Variants in DNMBP observed in about 807,000 individuals in gnomAD.
DNMBP encodes the protein dynamin-binding protein.
In DNMBP, 87 loss-of-function variants were observed where a neutral mutation model predicts 150.0. The observed-to-expected ratio is 0.58, with a 90% CI of 0.49 to 0.69. DNMBP has a LOEUF of 0.69. Ranked by LOEUF, DNMBP falls within the 30% of genes least tolerant of loss-of-function variation. The pLI, the probability that DNMBP is intolerant of heterozygous loss-of-function variation, is 0.00. For missense variants in DNMBP, 1,774 were observed against 1,949.0 expected (o/e 0.91, Z 1.69); for synonymous variants, 711 against 750.4 (o/e 0.95, Z 0.86).
Position 99,955,654 on chromosome 10 carries a change from G to A in DNMBP, c.1820C>T (p.Ala607Val). Residue 607 changes from alanine (A) to valine (V), a missense_variant, in exon 4 of 17, where the codon GCC becomes GTC. Physicochemically the swap from Ala to Val is moderately conservative, Grantham distance 64 (BLOSUM62 0). Coordinates refer to ENST00000324109, the MANE Select transcript of DNMBP (RefSeq NM_015221.4). Reference protein sequence around the residue: ...TEQELPERRKALRPPPPRPCT... With the variant: ...TEQELPERRKVLRPPPPRPCT... The stretch of plus-strand genomic sequence containing the variant: ...GGGACGAGGTGGCGGTGGCCTTAGG[G>A]CCTTTCTCCTTTCCGGCAGCTCCTG... 6.2e-7 allele frequency: 1 copy of A among 1,614,200 alleles called. No individual in the cohort carries two copies. The highest frequency in any genetic ancestry group is 8.5e-7 in the Non-Finnish European group (1 of 1,180,036).
chr10:99,968,892 G>T (rs572271432), intron 3 of DNMBP, among the ~76,000 whole-genome samples: 1 of 151,994 alleles, frequency 6.6e-6, no homozygotes. Flanking sequence ...TACCTCCCAG[G>T]TCTGTGCTGA....
chr10:99,965,748 A>C (rs2040613724), intron 3 of DNMBP, among the ~76,000 whole-genome samples: 3 of 152,062 alleles, frequency 2.0e-5, no homozygotes, highest in Non-Finnish European at 2.9e-5. Flanking sequence ...CCACCCGCCT[A>C]GGCCTCCCAA....
intron 1 of DNMBP, among the ~76,000 whole-genome samples, chr10:99,990,511 A>C (rs972025164): frequency 6.6e-6 from 1 of 151,590 alleles, no homozygotes; most frequent in Non-Finnish European, 1.5e-5. Context: ...GAGATACACC[A>C]CTGCACTCCG....
At chr10:99,904,128 A>G (rs2039787265) in intron 6 of DNMBP, among the ~76,000 whole-genome samples, 1 of 152,068 alleles carries the variant, frequency 6.6e-6, no homozygotes, top group Non-Finnish European at 1.5e-5. Context: ...GGTGGTACGC[A>G]TCTGTAGTCC....
intron 11 of DNMBP, among the ~76,000 whole-genome samples, chr10:99,894,170 T>C (rs1385494725): frequency 2.0e-5 from 3 of 152,130 alleles, no homozygotes; most frequent in East Asian, 3.9e-4. Flanking sequence ...TCCCAGCCAC[T>C]GAGGTGGGAG....
At chr10:99,932,927 T>C (rs376723810) in intron 4 of DNMBP, among the ~76,000 whole-genome samples, 107 of 150,904 alleles carry the variant, frequency 7.1e-4, no homozygotes, top group African/African-American at 2.1e-3. Flanking sequence ...TCACCTAGGA[T>C]CCCAGGGGAA....
At chr10:99,913,408 C>A (rs971168999) in intron 4 of DNMBP, among the ~76,000 whole-genome samples, 1 of 152,154 alleles carries the variant, frequency 6.6e-6, no homozygotes, top group African/African-American at 2.4e-5. Context: ...AATATGCCAT[C>A]TGCACCTGAT....
At chr10:99,991,453 C>T (rs2040890073) in intron 1 of DNMBP, among the ~76,000 whole-genome samples, 1 of 152,036 alleles carries the variant, frequency 6.6e-6, no homozygotes, top group Non-Finnish European at 1.5e-5. Flanking sequence ...CCTAGGCAAA[C>T]ACTAATCTAC....
intron 9 of DNMBP, among the ~76,000 whole-genome samples, chr10:99,897,648 C>T (rs1564722883): frequency 6.6e-6 from 1 of 152,166 alleles, no homozygotes; most frequent in Admixed American, 6.6e-5. Context: ...ATAAATACCA[C>T]ATTTTGGGCC....
intron 4 of DNMBP, among the ~76,000 whole-genome samples, chr10:99,914,266 G>A (rs1047161476): frequency 2.6e-5 from 4 of 152,028 alleles, no homozygotes; most frequent in Non-Finnish European, 4.4e-5. Flanking sequence ...TAAAACCCTC[G>A]AAATTCCACC....
chr10:99,972,370 G>C (rs994154377), intron 1 of DNMBP, among the ~76,000 whole-genome samples: 6 of 151,080 alleles, frequency 4.0e-5, no homozygotes, highest in African/African-American at 1.5e-4. Flanking sequence ...CCTGGGCTCA[G>C]GTGATTCTCC....
At chr10:99,879,084 CAAAAAAA>C (rs71009780) in intron 16 of DNMBP, among the ~76,000 whole-genome samples, 1 of 62,404 alleles carries the variant, frequency 1.6e-5, no homozygotes, top group African/African-American at 8.2e-5. Context: ...GACTCTGTCT[CAAAAAAA>C]AAAAAAAAAA....
rs79730939 is a variant in DNMBP at position 99,932,335 on chromosome 10, A to G, written c.2260+22879T>C. ...CAATAAAATGAGGCAGTTGGCCACA[A>G]TGACTCCTCGGATTCCCCCAGCATG... On this transcript the variant is annotated intron_variant, in intron 4 of 16. Coordinates refer to ENST00000324109, the MANE Select transcript of DNMBP (RefSeq NM_015221.4). Among the ~76,000 whole-genome samples, 1,014 of 152,302 alleles carry G rather than the reference A, an allele frequency of 6.7e-3. 11 individuals carry two copies. Among genetic ancestry groups the G allele is most frequent in the African/African-American group, 0.023 (968 of 41,560 alleles).
chr10:99,888,065 C>T (rs535697761), intron 12 of DNMBP, among the ~76,000 whole-genome samples: 105 of 152,206 alleles, frequency 6.9e-4, no homozygotes, highest in African/African-American at 2.4e-3. Flanking sequence ...TCAGGTGATC[C>T]GCCCACCTCG....
At chr10:99,990,387 A>G (rs2040872273) in intron 1 of DNMBP, among the ~76,000 whole-genome samples, 1 of 151,884 alleles carries the variant, frequency 6.6e-6, no homozygotes, top group African/African-American at 2.4e-5. Flanking sequence ...ACTCATCTCT[A>G]CTGAAAATAC....
chr10:99,976,726 A>G (rs910760365), intron 1 of DNMBP, among the ~76,000 whole-genome samples: 1 of 152,040 alleles, frequency 6.6e-6, no homozygotes, highest in Non-Finnish European at 1.5e-5. Flanking sequence ...TGTCTTCCAG[A>G]GGACTGAAGT....
Position 99,955,763 on chromosome 10 carries a change from C to G in DNMBP, c.1711G>C (p.Asp571His). 1.9e-6 allele frequency: 3 copies of G among 1,614,236 alleles called. No homozygotes were observed. Among genetic ancestry groups the G allele is most frequent in the Non-Finnish European group, 1.7e-6 (2 of 1,180,034 alleles). ...ATTGAAAAGTGGCGTAAAATTTTAT[C>G]TGGCTCTGTGCCGGGCCCTGCCAAG... Reference protein sequence around the residue: ...KSLAGPGTEPDKILRHFSIMD... With the variant: ...KSLAGPGTEPHKILRHFSIMD... Residue 571 changes from aspartate to histidine, a missense_variant, in exon 4 of 17, where the codon GAT becomes CAT. This residue lies in a region of DNMBP where 1,430 missense variants were observed against 1,492.5 expected (regional missense o/e 0.96). Transcript: ENST00000324109.
intron 1 of DNMBP, among the ~76,000 whole-genome samples, chr10:100,000,207 C>T (rs2133387375): frequency 6.6e-6 from 1 of 152,206 alleles, no homozygotes; most frequent in South Asian, 2.1e-4. Context: ...AAAAAGTTTC[C>T]ACATTGCAGG....
chr10:100,007,633 A>C (rs537545098), intron 1 of DNMBP, among the ~76,000 whole-genome samples: 30 of 152,222 alleles, frequency 2.0e-4, no homozygotes, highest in Non-Finnish European at 3.4e-4. Flanking sequence ...AAATCTAAAA[A>C]TGAAATAATA....
Sources: gnomAD v4.1 joint callset for allele counts (sites outside exome capture counted in the v4.1 genomes callset) on GRCh38, gnomAD v4.1.1 for gene constraint, gnomAD v4.1.1 regional missense constraint, MANE v1.5 for transcripts, NCBI Gene and HGNC (gene_info 2026-07-23, HGNC 2026-07-21) for gene names.